Variants in TLN2 observed in about 807,000 individuals in gnomAD.
TLN2 encodes the protein talin 2, also known as talin-2.
In TLN2, 118 loss-of-function variants were observed where a neutral mutation model predicts 294.7. The ratio of observed to expected loss-of-function variants is 0.40; its 90% CI spans 0.34 to 0.47. TLN2 has a LOEUF of 0.47. Among genes scored for constraint, TLN2 ranks in the 20% least tolerant of loss-of-function variants. TLN2 has a pLI of 0.84. For missense variants in TLN2, 3,083 were observed against 3,282.2 expected, an observed-to-expected ratio of 0.94 and a Z score of 1.48; for synonymous variants, 1,431 against 1,304.5, an observed-to-expected ratio of 1.10 and a Z score of -2.09.
At chr15:62,606,263 TG>T (rs2047434900) in intron 2 of TLN2, among the ~76,000 whole-genome samples, 4 of 150,518 alleles carry the variant, frequency 2.7e-5, no homozygotes, top group South Asian at 4.2e-4. Context: ...TTTTTTTTTT[TG>T]TATTTTTAGT....
At chr15:62,463,940 G>C (rs958472420) in intron 1 of TLN2, among the ~76,000 whole-genome samples, 2 of 152,200 alleles carry the variant, frequency 1.3e-5, no homozygotes, top group African/African-American at 4.8e-5. Context: ...ATGCTGGAGA[G>C]GATGTGAAGA....
At chr15:62,682,961 C>T (rs1441650463) in intron 11 of TLN2, 1 of 152,218 alleles carries the variant, frequency 6.6e-6, no homozygotes, top group Non-Finnish European at 1.5e-5. Flanking sequence ...ATCCCAAGTT[C>T]AGTCAAAATG....
rs576977500 is a variant in TLN2 at position 62,639,550 on chromosome 15, C to A, written c.-36-7725C>A. Among the ~76,000 whole-genome samples the A allele has an allele frequency of 1.0e-3, 153 of 152,336 alleles. 1 individual carries two copies. Among genetic ancestry groups the A allele is most frequent in the African/African-American group, 3.5e-3 (145 of 41,580 alleles). ...ATAAGGGAGAACTGAGGGATTCTTA[C>A]ATAAATGTTCTCTCTTGTTTTCTGG... is the stretch of plus-strand genomic sequence containing the variant. On this transcript the variant is annotated intron_variant, in intron 3 of 58. Transcript: ENST00000636159.
At chr15:62,792,498 TCAC>T in intron 45 of TLN2, 140 bp from the exon 46 acceptor site, 1 of 1,147,196 alleles carries the variant, frequency 8.7e-7, no homozygotes, top group Non-Finnish European at 1.2e-6. Context: ...ATTCCATACT[TCAC>T]CAAACACAGA....
intron 1 of TLN2, among the ~76,000 whole-genome samples, chr15:62,561,871 T>A (rs1017151282): frequency 6.6e-6 from 1 of 152,164 alleles, no homozygotes; most frequent in Non-Finnish European, 1.5e-5. Context: ...TTTTCCCATC[T>A]TCAGATTTTA....
intron 9 of TLN2, among the ~76,000 whole-genome samples, chr15:62,665,150 C>T (rs541697983): frequency 1.3e-5 from 2 of 152,154 alleles, no homozygotes; most frequent in South Asian, 4.2e-4. Flanking sequence ...TTAGCCTCCA[C>T]CTCTCTGGTG....
Position 62,792,748 on chromosome 15 carries a change from G to A in TLN2, c.5844G>A (p.Lys1948=). ...TCTGCCCCACAGACAGCTACACCAA[G>A]AGGGAGCTGATCGAATGCGCCCGTG... ...LQVCPTDSYT[K]RELIECARAV... Residue 1948 remains lysine (K), a synonymous_variant, in exon 46 of 59, where the codon AAG becomes AAA. Coordinates refer to ENST00000636159, the MANE Select transcript of TLN2 (RefSeq NM_015059.3). 6.2e-7 allele frequency: 1 copy of A among 1,614,126 alleles called. No individual in the cohort carries two copies.
chr15:62,411,024 GTCAT>G (rs1342845260), intron 1 of TLN2, among the ~76,000 whole-genome samples: 1 of 152,222 alleles, frequency 6.6e-6, no homozygotes, highest in African/African-American at 2.4e-5. Context: ...TGGCTTTGGA[GTCAT>G]TCATCAGTTT....
intron 2 of TLN2, among the ~76,000 whole-genome samples, chr15:62,590,446 C>A (rs28636936): frequency 0.049 from 7,428 of 152,188 alleles, 547 homozygotes; most frequent in African/African-American, 0.16. Flanking sequence ...TATTAGTTTA[C>A]TGAGAATAAT....
intron 12 of TLN2, among the ~76,000 whole-genome samples, chr15:62,688,142 A>G (rs1177310633): frequency 6.6e-6 from 1 of 152,170 alleles, no homozygotes; most frequent in East Asian, 1.9e-4. Flanking sequence ...GAAAACAAAA[A>G]TTTATTTAAA....
At chr15:62,698,218 G>C (rs2058486939) in intron 15 of TLN2, among the ~76,000 whole-genome samples, 1 of 152,216 alleles carries the variant, frequency 6.6e-6, no homozygotes, top group Non-Finnish European at 1.5e-5. Flanking sequence ...CACGCTGGGA[G>C]TCATTGATTC....
intron 1 of TLN2, among the ~76,000 whole-genome samples, chr15:62,551,356 T>G (rs993745274): frequency 6.6e-6 from 1 of 152,102 alleles, no homozygotes; most frequent in Non-Finnish European, 1.5e-5. Context: ...GCAAGGATGA[T>G]TTTTACTTAC....
chr15:62,496,180 C>T (rs1415954781), intron 1 of TLN2, among the ~76,000 whole-genome samples: 4 of 152,180 alleles, frequency 2.6e-5, no homozygotes, highest in Non-Finnish European at 5.9e-5. Context: ...TAGGCCTCCT[C>T]TTTCTGACTC....
intron 1 of TLN2, among the ~76,000 whole-genome samples, chr15:62,460,887 A>T (rs1176035684): frequency 2.0e-5 from 3 of 151,974 alleles, no homozygotes; most frequent in Non-Finnish European, 4.4e-5. Context: ...CTGCTGGTGC[A>T]CCGCCTTCCC....
chr15:62,496,934 C>T (rs1017274038), intron 1 of TLN2, among the ~76,000 whole-genome samples: 8 of 152,148 alleles, frequency 5.3e-5, no homozygotes, highest in Non-Finnish European at 8.8e-5. Context: ...TGTACACAGG[C>T]AGAGCACAGG....
chr15:62,809,592 A>G (rs942443344), intron 51 of TLN2, among the ~76,000 whole-genome samples: 4 of 152,224 alleles, frequency 2.6e-5, no homozygotes, highest in African/African-American at 9.6e-5. Flanking sequence ...AGCGCTGATC[A>G]TGAATCTTGC....
intron 2 of TLN2, among the ~76,000 whole-genome samples, chr15:62,612,707 C>T (rs1469545870): frequency 1.3e-5 from 2 of 152,062 alleles, no homozygotes; most frequent in African/African-American, 4.8e-5. Flanking sequence ...AAATAATGTC[C>T]CCTCACTTCT....
At chr15:62,645,639 C>T (rs1462821954) in intron 3 of TLN2, among the ~76,000 whole-genome samples, 8 of 152,220 alleles carry the variant, frequency 5.3e-5, no homozygotes, top group Admixed American at 5.2e-4. Flanking sequence ...GCTGCACTGC[C>T]TGGGCCTGGG....
chr15:62,596,281 G>A (rs551494852), intron 2 of TLN2, among the ~76,000 whole-genome samples: 1,513 of 107,360 alleles, frequency 0.014, 42 homozygotes, highest in African/African-American at 0.05. Flanking sequence ...AAAAAAAAAA[G>A]GTATTCTTGA....
Sources: gnomAD v4.1 joint callset for allele counts (sites outside exome capture counted in the v4.1 genomes callset) on GRCh38, gnomAD v4.1.1 for gene constraint, MANE v1.5 for transcripts, NCBI Gene and HGNC (gene_info 2026-07-23, HGNC 2026-07-21) for gene names.